C7orf57: variants seen among roughly 807,000 people sequenced by gnomAD.
C7orf57 encodes chromosome 7 open reading frame 57, also known as uncharacterized protein C7orf57.
C7orf57 carries 33 observed loss-of-function variants against 39.0 expected under a neutral mutation model. The observed-to-expected ratio is 0.85, with a 90% confidence interval of 0.64 to 1.13. The LOEUF (loss-of-function observed/expected upper bound fraction) is 1.13. Ranked by LOEUF, C7orf57 falls within the 50% of genes most tolerant of loss-of-function variation. The pLI, the probability that C7orf57 is intolerant of heterozygous loss-of-function variation, is 0.00. For missense variants in C7orf57, 346 were observed against 362.3 expected, an observed-to-expected ratio of 0.95 and a Z score of 0.37; for synonymous variants, 124 against 137.1, an observed-to-expected ratio of 0.90 and a Z score of 0.67.
intron 4 of C7orf57, 32 bp downstream of exon 4, chr7:48,043,621 T>C: frequency 1.3e-6 from 2 of 1,551,884 alleles, no homozygotes; most frequent in Non-Finnish European, 1.8e-6. Context: ...CATTTTTGTT[T>C]ATCTTTACAG....
In C7orf57 at chr7:48,035,799, T is replaced by G. The variant is rs1790336166; in HGVS notation, c.-102+169T>G. Among the ~76,000 whole-genome samples, 3 of 152,178 alleles carry G rather than the reference T, an allele frequency of 2.0e-5. No individual in the cohort carries two copies. The highest frequency in any genetic ancestry group is 6.5e-5 in the Admixed American group (1 of 15,288). On this transcript the variant is annotated intron_variant, in intron 1 of 8. Transcript: ENST00000348904. This position sits in a 1 kb window ranked among gnomAD's most constrained non-coding sequence, Gnocchi z 4.0. The stretch of plus-strand genomic sequence containing the variant: ...GGCGGGATCTCCAAGCCTGCCCAAG[T>G]CCCGCGGCCCCTTGGTTACCTGTTG...
intron 3 of C7orf57, among the ~76,000 whole-genome samples, chr7:48,042,441 C>T (rs1454238644): frequency 1.3e-5 from 2 of 152,120 alleles, no homozygotes; most frequent in African/African-American, 2.4e-5. Flanking sequence ...CTTTTGGCAG[C>T]ATCTGCTGAG....
intron 4 of C7orf57, among the ~76,000 whole-genome samples, chr7:48,046,200 G>C (rs1790706613): frequency 6.6e-6 from 1 of 151,578 alleles, no homozygotes; most frequent in African/African-American, 2.4e-5. Flanking sequence ...GATGTCAAGA[G>C]AGACGGAAGA....
chr7:48,045,709 C>A (rs962444732), intron 4 of C7orf57, among the ~76,000 whole-genome samples: 6 of 152,088 alleles, frequency 3.9e-5, no homozygotes, highest in African/African-American at 1.2e-4. Flanking sequence ...TTTGTGTTGC[C>A]GTGTCAAACT....
At chr7:48,038,312 C>G (rs1306955269) in intron 2 of C7orf57, among the ~76,000 whole-genome samples, 1 of 152,088 alleles carries the variant, frequency 6.6e-6, no homozygotes, top group African/African-American at 2.4e-5. Context: ...TCCTGTGCAT[C>G]TACTGTAATA....
At chr7:48,051,244 C>T (rs867599895) in intron 6 of C7orf57, among the ~76,000 whole-genome samples, 39 of 151,726 alleles carry the variant, frequency 2.6e-4, no homozygotes, top group Admixed American at 1.6e-3. Flanking sequence ...TGCAGCGGTA[C>T]GAACTCAGCT....
intron 6 of C7orf57, among the ~76,000 whole-genome samples, chr7:48,050,339 T>C (rs1423519574): frequency 6.6e-6 from 1 of 152,182 alleles, no homozygotes; most frequent in African/African-American, 2.4e-5. Context: ...GGTCCTGACG[T>C]TTCTGTGTCC....
chr7:48,042,680 A>G (rs1790584881), intron 3 of C7orf57, among the ~76,000 whole-genome samples: 1 of 151,984 alleles, frequency 6.6e-6, no homozygotes, highest in East Asian at 1.9e-4. Flanking sequence ...AAAGTGCTTT[A>G]AAAGTAAAAA....
At chr7:48,052,271 G>A (rs1204955942) in intron 6 of C7orf57, among the ~76,000 whole-genome samples, 1 of 152,124 alleles carries the variant, frequency 6.6e-6, no homozygotes, top group African/African-American at 2.4e-5. Flanking sequence ...GCACCCAGCA[G>A]TTTGTTGTTG....
At chr7:48,043,862 C>G (rs535443370) in intron 4 of C7orf57, among the ~76,000 whole-genome samples, 1 of 151,922 alleles carries the variant, frequency 6.6e-6, no homozygotes, top group African/African-American at 2.4e-5. Context: ...ACCGGCGGGT[C>G]TTCGTTCTTA....
chr7:48,046,860 ATAGT>A (rs1470171344), intron 5 of C7orf57, among the ~76,000 whole-genome samples: 1 of 152,248 alleles, frequency 6.6e-6, no homozygotes, highest in Non-Finnish European at 1.5e-5. Flanking sequence ...TGATTTATAG[ATAGT>A]TAATGCTTAT....
intron 6 of C7orf57, among the ~76,000 whole-genome samples, chr7:48,050,980 C>T (rs778109415): frequency 6.6e-6 from 1 of 152,124 alleles, no homozygotes; most frequent in African/African-American, 2.4e-5. Context: ...TGCTACTGCT[C>T]GAGCTGAAAG....
intron 3 of C7orf57, among the ~76,000 whole-genome samples, chr7:48,043,263 T>C (rs1354911827): frequency 1.3e-5 from 2 of 152,074 alleles, no homozygotes; most frequent in Non-Finnish European, 2.9e-5. Flanking sequence ...TGGGGAGGCA[T>C]ACAGGATGTC....
chr7:48,059,895 C>T lies in C7orf57; in HGVS notation c.842-331C>T, dbSNP rs562666069. On this transcript the variant is annotated intron_variant, in intron 8 of 8. Transcript: ENST00000348904. ...TGAGTTGCCCCTCTTCTCTACTCGC[C>T]TTGCCCAGGCTGTGCTCATACTATT... Among the ~76,000 whole-genome samples, 5 of 152,138 alleles carry T rather than the reference C, an allele frequency of 3.3e-5. No homozygotes were observed. In the South Asian group the frequency reaches 1.0e-3, roughly 32 times the overall value.
intron 4 of C7orf57, among the ~76,000 whole-genome samples, chr7:48,045,083 G>A (rs574144999): frequency 6.6e-6 from 1 of 152,170 alleles, no homozygotes; most frequent in African/African-American, 2.4e-5. Flanking sequence ...AATTGTCCAA[G>A]CCTTCTAGGA....
chr7:48,036,318 A>T lies in C7orf57; in HGVS notation c.10A>T (p.Thr4Ser). 6.3e-7 allele frequency: 1 copy of T among 1,589,558 alleles called. No homozygotes were observed. The change falls in exon 2 of 9, where the codon ACA becomes TCA. Residue 4 changes from threonine (T) to serine (S), a missense_variant. Transcript: ENST00000348904. MRN[T>S]SKELQGATHR... is the part of the protein sequence containing the mutation. ...CGTGCAGCGCCTGACCATGAGGAAC[A>T]CAAGCAAGGAACTTCAGGGCGCCAC...
intron 2 of C7orf57, among the ~76,000 whole-genome samples, chr7:48,037,749 C>CTGTGTG (rs71006544): frequency 0.016 from 2,478 of 150,652 alleles, 56 homozygotes; most frequent in African/African-American, 0.046. Flanking sequence ...CTTTAACCCT[C>CTGTGTG]TGTGTGTGTG....
chr7:48,047,792 T>C (rs1790759329), intron 5 of C7orf57, among the ~76,000 whole-genome samples: 1 of 152,060 alleles, frequency 6.6e-6, no homozygotes, highest in Admixed American at 6.6e-5. Context: ...ACCCTCGAAC[T>C]CCTGGGCTCA....
intron 8 of C7orf57, among the ~76,000 whole-genome samples, chr7:48,055,340 G>A (rs6463458): frequency 0.89 from 135,250 of 152,064 alleles, 60,357 homozygotes; most frequent in Non-Finnish European, 0.93. Context: ...TAAATCGACA[G>A]ATAATAATTG....
Sources: gnomAD v4.1 joint callset for allele counts (sites outside exome capture counted in the v4.1 genomes callset) on GRCh38, gnomAD v4.1.1 for gene constraint, Gnocchi (gnomAD v3.1) non-coding constraint, MANE v1.5 for transcripts, NCBI Gene and HGNC (gene_info 2026-07-23, HGNC 2026-07-21) for gene names.